Variants in ZNF423 observed in about 807,000 individuals in gnomAD.
ZNF423 encodes Ebf-associated zinc finger protein.
A neutral mutation model predicts 95.8 loss-of-function variants in ZNF423; 12 were observed. The observed-to-expected ratio is 0.13, with a 90% CI of 0.08 to 0.20. The LOEUF (loss-of-function observed/expected upper bound fraction) is 0.20, where lower values mean the gene tolerates loss of function less well. ZNF423 is among the 10% of genes least tolerant of loss of function. The pLI is 1.00. For synonymous variants in ZNF423, 749 were observed against 711.9 expected (o/e 1.05, Z -0.83); for missense variants, 1,316 against 1,737.1 (o/e 0.76, Z 4.31).
intron 2 of ZNF423, among the ~76,000 whole-genome samples, chr16:49,753,301 T>C (rs2033665258): frequency 6.6e-6 from 1 of 151,524 alleles, no homozygotes; most frequent in Admixed American, 6.6e-5. Flanking sequence ...AGGCAAGTAT[T>C]GAAACAAAGG....
intron 3 of ZNF423, among the ~76,000 whole-genome samples, chr16:49,713,432 G>T (rs993254086): frequency 6.6e-6 from 1 of 152,158 alleles, no homozygotes; most frequent in African/African-American, 2.4e-5. Flanking sequence ...GACTGCAGTG[G>T]GGGAGGAGAC....
At chr16:49,783,586 G>A (rs913585736) in intron 2 of ZNF423, among the ~76,000 whole-genome samples, 2 of 142,142 alleles carry the variant, frequency 1.4e-5, no homozygotes, top group East Asian at 2.2e-4. Context: ...GGGGGGTTAG[G>A]TGTAGGGGTA....
At chr16:49,507,326 G>T (rs1358070818) in intron 7 of ZNF423, among the ~76,000 whole-genome samples, 3 of 151,860 alleles carry the variant, frequency 2.0e-5, no homozygotes, top group South Asian at 2.1e-4. Flanking sequence ...TAGATACGGG[G>T]TCTCATTATG....
intron 3 of ZNF423, among the ~76,000 whole-genome samples, chr16:49,677,962 C>T (rs190347959): frequency 1.8e-4 from 27 of 152,160 alleles, no homozygotes; most frequent in African/African-American, 6.0e-4. Context: ...GCGGGTAGAT[C>T]ATTTGAGGTC....
chr16:49,495,420 G>A (rs770811885), intron 7 of ZNF423, among the ~76,000 whole-genome samples: 1 of 152,202 alleles, frequency 6.6e-6, no homozygotes, highest in Non-Finnish European at 1.5e-5. Context: ...CCCACAAAAA[G>A]AGCCCTCTCT....
chr16:49,676,689 A>C (rs2031064445), intron 3 of ZNF423, among the ~76,000 whole-genome samples: 1 of 152,120 alleles, frequency 6.6e-6, no homozygotes, highest in Admixed American at 6.6e-5. Context: ...CATGGAAAGG[A>C]TTTCTGTTCA....
rs568182522 is a variant in ZNF423 at position 49,656,222 on chromosome 16, A to G, written c.302-17348T>C. On this transcript the variant is annotated intron_variant, in intron 3 of 7. Transcript: ENST00000563137. The stretch of plus-strand genomic sequence containing the variant: ...TCTCAATGCGAATAAAGAATGGGCA[A>G]GCGGAGGCCAGGTGCAGTGGCTCGT... 3.3e-5 allele frequency among the ~76,000 whole-genome samples: 5 copies of G among 152,336 alleles called. No individual in the cohort carries two copies. The East Asian group carries it at 9.7e-4, about 29-fold the overall frequency.
chr16:49,732,978 A>C (rs1303943008), intron 2 of ZNF423, among the ~76,000 whole-genome samples: 1 of 152,240 alleles, frequency 6.6e-6, no homozygotes, highest in Non-Finnish European at 1.5e-5. Flanking sequence ...TACAGTTTTT[A>C]GGTTCTTTTA....
chr16:49,828,540 A>G (rs2035029294), intron 1 of ZNF423, among the ~76,000 whole-genome samples: 1 of 152,250 alleles, frequency 6.6e-6, no homozygotes, highest in Non-Finnish European at 1.5e-5. Flanking sequence ...CCTAAAAGCA[A>G]CAGCAGGGGC....
At chr16:49,684,075 A>C (rs1014048460) in intron 3 of ZNF423, among the ~76,000 whole-genome samples, 10 of 152,136 alleles carry the variant, frequency 6.6e-5, no homozygotes, top group Admixed American at 1.3e-4. Context: ...GGTCTCAAAA[A>C]ATTAAAATAA....
intron 2 of ZNF423, among the ~76,000 whole-genome samples, chr16:49,781,594 G>T (rs1354956821): frequency 6.6e-6 from 1 of 152,218 alleles, no homozygotes; most frequent in Non-Finnish European, 1.5e-5. Flanking sequence ...CAAAACACAA[G>T]CAGGGCAGGA....
chr16:49,593,581 A>G lies in ZNF423; in HGVS notation c.3601+32589T>C, dbSNP rs76768948. On this transcript the variant is annotated intron_variant, in intron 5 of 7. Transcript: ENST00000563137. Reference sequence around the variant, plus strand: ...TTCTGGTGGGATTGTAGCACCTCCCACAGGTCAACTTCCAAACTCTACCCT... The same window carrying G: ...TTCTGGTGGGATTGTAGCACCTCCCGCAGGTCAACTTCCAAACTCTACCCT... Among the ~76,000 whole-genome samples the G allele has an allele frequency of 2.3e-3, 349 of 152,212 alleles. 1 individual carries two copies. The highest frequency in any genetic ancestry group is 8.2e-3 in the African/African-American group (340 of 41,526).
intron 5 of ZNF423, among the ~76,000 whole-genome samples, chr16:49,526,452 A>G (rs957984603): frequency 6.6e-6 from 1 of 152,136 alleles, no homozygotes; most frequent in African/African-American, 2.4e-5. Flanking sequence ...AGCCTTGCCA[A>G]TGTCGAGGAG....
intron 1 of ZNF423, among the ~76,000 whole-genome samples, chr16:49,819,767 G>C (rs754272077): frequency 2.0e-4 from 31 of 152,126 alleles, no homozygotes; most frequent in Non-Finnish European, 3.4e-4. Context: ...GATGGTCCCT[G>C]ACTTAAAGTG....
rs978079672 is a variant in ZNF423, at chr16:49,500,693, T to C, written c.3850-9389A>G. 6.0e-5 allele frequency among the ~76,000 whole-genome samples: 9 copies of C among 151,032 alleles called. No individual in the cohort carries two copies. The South Asian group carries it at 1.3e-3, about 21-fold the overall frequency. ...CACTTTGGAGGCTGAAGTGGGAGGA[T>C]CACTTGAAGCCAGGAGTTTGAGATC... On this transcript the variant is annotated intron_variant, in intron 7 of 7. Coordinates refer to ENST00000563137, the MANE Select transcript of ZNF423 (RefSeq NM_001379286.1).
intron 5 of ZNF423, among the ~76,000 whole-genome samples, chr16:49,608,617 T>C (rs1971617658): frequency 6.6e-6 from 1 of 152,004 alleles, no homozygotes; most frequent in Non-Finnish European, 1.5e-5. Context: ...GGATCCTGGG[T>C]TTTCTTTTTG....
At chr16:49,856,401 G>C (rs1409890824), upstream of ZNF423, among the ~76,000 whole-genome samples, 1 of 143,258 alleles carries the variant, frequency 7.0e-6, no homozygotes, top group Non-Finnish European at 1.5e-5. Flanking sequence ...AGGCGGTCGG[G>C]AGCGCGGAAG....
chr16:49,850,420 G>C (rs1041660846), intron 1 of ZNF423, among the ~76,000 whole-genome samples: 5 of 152,114 alleles, frequency 3.3e-5, no homozygotes, highest in African/African-American at 1.2e-4. Context: ...AGTGTATCGG[G>C]GTTTTCCTGG....
chr16:49,511,826 CTTGA>C, intron 7 of ZNF423, among the ~76,000 whole-genome samples: 1 of 152,186 alleles, frequency 6.6e-6, no homozygotes, highest in African/African-American at 2.4e-5. Context: ...CCTTGCCCCA[CTTGA>C]CAGTAAATAA....
Sources: allele counts gnomAD v4.1 joint callset (sites outside exome capture counted in the v4.1 genomes callset), GRCh38; gene constraint gnomAD v4.1.1; transcripts MANE v1.5; gene names NCBI Gene and HGNC (gene_info 2026-07-23, HGNC 2026-07-21).